Variants in TRIM56 observed in about 807,000 individuals in gnomAD.
TRIM56 encodes the protein tripartite motif containing 56, also known as E3 ubiquitin-protein ligase TRIM56.
In TRIM56, 10 loss-of-function variants were observed where a neutral mutation model predicts 17.1. The observed-to-expected ratio is 0.58, with a 90% CI of 0.36 to 0.99. The LOEUF is 0.99. TRIM56 is among the 50% of genes least tolerant of loss of function. The probability of loss-of-function intolerance (pLI) is 0.01; values close to 1 mark genes in which losing one functional copy is unlikely to be tolerated. For synonymous variants in TRIM56, 503 were observed against 473.5 expected, an observed-to-expected ratio of 1.06 and a Z score of -0.81; for missense variants, 923 against 1,052.3, an observed-to-expected ratio of 0.88 and a Z score of 1.70.
Position 101,088,951 on chromosome 7 carries a change from C to T in TRIM56, c.1639C>T (p.Pro547Ser). The stretch of plus-strand genomic sequence containing the variant: ...CGACTACAAGGGCACCGTGCCGGTC[C>T]CTGAGGGCTGCTCCCCTTGCAGCGT... ...NGDYKGTVPV[P>S]EGCSPCSVAA... The change falls in exon 3 of 3, where the codon CCT becomes TCT. Residue 547 changes from proline to serine, a missense_variant. Physicochemically the swap from Pro to Ser is moderately conservative, Grantham distance 74 (BLOSUM62 -1). This residue lies in a region of TRIM56 where 643 missense variants were observed against 665.6 expected (regional missense o/e 0.97). Transcript: ENST00000306085. 6.2e-7 allele frequency: 1 copy of T among 1,613,312 alleles called. No individual in the cohort carries two copies. The highest frequency in any genetic ancestry group is 8.5e-7 in the Non-Finnish European group (1 of 1,180,026).
In TRIM56 at chr7:101,089,082, C is replaced by A. The variant is rs1382267284; in HGVS notation, c.1770C>A (p.Ala590=). Residue 590 remains alanine (A), a synonymous_variant, in exon 3 of 3, where the codon GCC becomes GCA. Coordinates refer to ENST00000306085, the MANE Select transcript of TRIM56 (RefSeq NM_030961.3). ...QWRRALSLSQ[A]SHAVAALPSG... ...GCAGGGCCCTGAGCCTCTCCCAGGC[C>A]AGCCACGCGGTGGCGGCACTGCCTA... 15 of 1,598,212 alleles carry A rather than the reference C, an allele frequency of 9.4e-6. No individual in the cohort carries two copies. Among genetic ancestry groups the A allele is most frequent in the Non-Finnish European group, 1.2e-5 (14 of 1,174,718 alleles).
rs1389724960 is a variant in TRIM56 at position 101,088,246 on chromosome 7, G to C, written c.934G>C (p.Val312Leu). 6.8e-7 allele frequency: 1 copy of C among 1,479,998 alleles called. No homozygotes were observed. Among genetic ancestry groups the C allele is most frequent in the Admixed American group, 2.5e-5 (1 of 40,462 alleles). 91.7% of individuals were successfully genotyped at this position (1,479,998 alleles called of 1,614,324 possible). A position where few individuals can be genotyped will look rare whatever the true frequency, so the allele number is the denominator to read the frequency against. Reference protein sequence around the residue: ...ARAAAAFARRVLSLGREAEIL... With the variant: ...ARAAAAFARRLLSLGREAEIL... ...GGCCGCAGCCGCCTTCGCCCGCCGG[G>C]TACTCAGCCTGGGGCGAGAGGCCGA... Residue 312 changes from valine to leucine, a missense_variant, in exon 3 of 3, where the codon GTA becomes CTA. By Grantham distance (32) the Val-to-Leu change is conservative. Coordinates refer to ENST00000306085, the MANE Select transcript of TRIM56 (RefSeq NM_030961.3).
Position 101,089,552 on chromosome 7 carries a change from T to A in TRIM56, c.2240T>A (p.Ile747Asn). Residue 747 changes from isoleucine to asparagine, a missense_variant, in exon 3 of 3, where the codon ATC becomes AAC. By Grantham distance (149) the Ile-to-Asn change is moderately radical. Transcript: ENST00000306085. ...TCCCTCAGTAACGGGACCATCCACA[T>A]CTTTCGGGTCCGTTCTCCGGACAGT... Reference protein sequence around the residue: ...VVSLSNGTIHIFRVRSPDS With the variant: ...VVSLSNGTIHNFRVRSPDS The A allele has an allele frequency of 6.2e-7, 1 of 1,614,044 alleles. No homozygotes were observed. The highest frequency in any genetic ancestry group is 8.5e-7 in the Non-Finnish European group (1 of 1,179,982).
chr7:101,088,560 C>T lies in TRIM56; in HGVS notation c.1248C>T (p.Ala416=). The change falls in exon 3 of 3, where the codon GCC becomes GCT. Residue 416 remains alanine (A), a synonymous_variant. Coordinates refer to ENST00000306085, the MANE Select transcript of TRIM56 (RefSeq NM_030961.3). ...TCCAGCCCCAGGCTGGAGATGGAGC[C>T]CAGACCCCAAAAGAGGAAAAAGCCC... ...GGVQPQAGDG[A]QTPKEEKAQT... 1 of 1,609,734 alleles carries T rather than the reference C, an allele frequency of 6.2e-7. No individual in the cohort carries two copies. The highest frequency in any genetic ancestry group is 8.5e-7 in the Non-Finnish European group (1 of 1,176,672).
Position 101,088,880 on chromosome 7 carries a change from T to C in TRIM56, c.1568T>C (p.Val523Ala), listed in dbSNP as rs771750232. ...LCPFGPREIL[V>A]ADEQNRALKR... ...CCCTTCGGTCCCCGGGAGATCCTGG[T>C]GGCGGATGAGCAGAACCGGGCACTG... The change falls in exon 3 of 3, where the codon GTG becomes GCG. Residue 523 changes from valine to alanine, a missense_variant. Transcript: ENST00000306085. 12 of 1,613,716 alleles carry C rather than the reference T, an allele frequency of 7.4e-6. No homozygotes were observed. The South Asian group carries it at 1.1e-4, about 15-fold the overall frequency.
Position 101,089,859 on chromosome 7 carries a change from C to T in TRIM56, c.*279C>T. On this transcript the variant is annotated 3_prime_UTR_variant, in exon 3 of 3. Coordinates refer to ENST00000306085, the MANE Select transcript of TRIM56 (RefSeq NM_030961.3). ...GCTTTTTGTGGGTGGCTGCTGCCAC[C>T]ACCGCCGCTGCTATATAGTTTAGGT... The T allele has an allele frequency of 4.8e-6, 2 of 418,092 alleles. No individual in the cohort carries two copies. Among genetic ancestry groups the T allele is most frequent in the East Asian group, 4.4e-5 (1 of 22,564 alleles). The allele number at this position is 418,092 out of a possible 1,614,324, so 25.9% of individuals were successfully genotyped here.
Position 101,088,256 on chromosome 7 carries a change from T to C in TRIM56, c.944T>C (p.Leu315Pro). The C allele has an allele frequency of 6.7e-7, 1 of 1,491,606 alleles. No individual in the cohort carries two copies. 92.4% of individuals were successfully genotyped at this position (1,491,606 alleles called of 1,614,324 possible). The part of the protein sequence containing the change: ...AAAFARRVLS[L>P]GREAEILSLE... ...GCCTTCGCCCGCCGGGTACTCAGCC[T>C]GGGGCGAGAGGCCGAGATCCTCTCC... The change falls in exon 3 of 3, where the codon CTG (leucine) becomes CCG (proline). Residue 315 changes from leucine to proline, a missense_variant. Physicochemically the swap from Leu to Pro is moderately conservative, Grantham distance 98 (BLOSUM62 -3). Coordinates refer to ENST00000306085, the MANE Select transcript of TRIM56 (RefSeq NM_030961.3).
chr7:101,089,803 G>C lies in TRIM56; in HGVS notation c.*223G>C, dbSNP rs1017971905. On this transcript the variant is annotated 3_prime_UTR_variant, in exon 3 of 3. Transcript: ENST00000306085. ...CAGAAGCAGAGGAGGCAGGTGGGTG[G>C]AGGGGGATGCTGGGAGTTCACCTGC... 6 of 505,470 alleles carry C rather than the reference G, an allele frequency of 1.2e-5. No homozygotes were observed. Among genetic ancestry groups the C allele is most frequent in the Non-Finnish European group, 2.2e-5 (6 of 278,624 alleles). The allele number at this position is 505,470 out of a possible 1,614,324, so 31.3% of individuals were successfully genotyped here.
In TRIM56 at chr7:101,093,590, G is replaced by A. The variant is rs1394366049; in HGVS notation, c.*4010G>A. The A allele has an allele frequency of 6.6e-6, 1 of 151,928 alleles. No individual in the cohort carries two copies. Among genetic ancestry groups the A allele is most frequent in the Non-Finnish European group, 1.5e-5 (1 of 68,008 alleles). The allele number at this position is 151,928 out of a possible 1,614,324, so 9.4% of individuals were successfully genotyped here. A position where few individuals can be genotyped will look rare whatever the true frequency, so the allele number is the denominator to read the frequency against. ...CACACCTGTAATCCCAGCACTTTGGGAGGCTGAGGTGGGTGGATCACCTGA... is the reference window on the plus strand; with the variant it reads ...CACACCTGTAATCCCAGCACTTTGGAAGGCTGAGGTGGGTGGATCACCTGA... On this transcript the variant is annotated 3_prime_UTR_variant, in exon 3 of 3. Transcript: ENST00000306085.
Position 101,093,036 on chromosome 7 carries a change from C to G in TRIM56, c.*3456C>G, listed in dbSNP as rs1795604828. On this transcript the variant is annotated 3_prime_UTR_variant, in exon 3 of 3. Transcript: ENST00000306085. ...GGATGCTGTTAATCTAAGACCTTAC[C>G]CCCAACCCCGTGCTCTCTGAAATAT... 1.1e-5 allele frequency: 2 copies of G among 182,642 alleles called. No homozygotes were observed. The highest frequency in any genetic ancestry group is 6.4e-5 in the Admixed American group (1 of 15,722). The allele number at this position is 182,642 out of a possible 1,614,324, so 11.3% of individuals were successfully genotyped here. A position where few individuals can be genotyped will look rare whatever the true frequency, so the allele number is the denominator to read the frequency against.
Position 101,094,511 on chromosome 7 carries a change from G to A in TRIM56, c.*4931G>A, listed in dbSNP as rs1413640581. ...TTATAAGTAATACTCAATAACTACTGGGTTTGAGAATGAAGGTGTCAGAAC... is the reference window on the plus strand; with the variant it reads ...TTATAAGTAATACTCAATAACTACTAGGTTTGAGAATGAAGGTGTCAGAAC... On this transcript the variant is annotated 3_prime_UTR_variant, in exon 3 of 3. Transcript: ENST00000306085. 2 of 152,094 alleles carry A rather than the reference G, an allele frequency of 1.3e-5. No individual in the cohort carries two copies. Among genetic ancestry groups the A allele is most frequent in the Non-Finnish European group, 2.9e-5 (2 of 68,036 alleles). 9.4% of individuals were successfully genotyped at this position (152,094 alleles called of 1,614,324 possible).
In TRIM56 at chr7:101,088,710, G is replaced by C. The variant is rs776709286; in HGVS notation, c.1398G>C (p.Arg466Ser). The C allele has an allele frequency of 1.9e-6, 3 of 1,613,928 alleles. No individual in the cohort carries two copies. The highest frequency in any genetic ancestry group is 2.5e-6 in the Non-Finnish European group (3 of 1,179,988). The change falls in exon 3 of 3, where the codon AGG (arginine) becomes AGC (serine). Residue 466 changes from arginine to serine, a missense_variant. Coordinates refer to ENST00000306085, the MANE Select transcript of TRIM56 (RefSeq NM_030961.3). ...RPNKKKKFKG[R>S]LKSISREPSP... ...ACAAGAAGAAAAAGTTCAAAGGCAGGCTCAAGTCAATTTCCCGGGAGCCCA... is the reference window on the plus strand; with the variant it reads ...ACAAGAAGAAAAAGTTCAAAGGCAGCCTCAAGTCAATTTCCCGGGAGCCCA...
chr7:101,089,571 G>A lies in TRIM56; in HGVS notation c.2259G>A (p.Pro753=), dbSNP rs78537898. 33,645 of 1,613,242 alleles carry A rather than the reference G, an allele frequency of 0.021. 443 individuals carry two copies. Among genetic ancestry groups the A allele is most frequent in the South Asian group, 0.024 (2,157 of 90,968 alleles). The change falls in exon 3 of 3, where the codon CCG becomes CCA. Residue 753 remains proline, a synonymous_variant. Coordinates refer to ENST00000306085, the MANE Select transcript of TRIM56 (RefSeq NM_030961.3). ...TCCACATCTTTCGGGTCCGTTCTCC[G>A]GACAGTTAAAGGGGCTAGGACTAGG... The part of the protein sequence containing the change: ...GTIHIFRVRS[P]DS
Position 101,097,817 on chromosome 7 carries a change from G to C in TRIM56, c.*8237G>C, listed in dbSNP as rs1308979517. The C allele has an allele frequency of 2.0e-5, 3 of 152,210 alleles. No homozygotes were observed. The highest frequency in any genetic ancestry group is 3.8e-4 in the East Asian group (2 of 5,196). 9.4% of individuals were successfully genotyped at this position (152,210 alleles called of 1,614,324 possible). A position where few individuals can be genotyped will look rare whatever the true frequency, so the allele number is the denominator to read the frequency against. ...TACATTGCCATGGGCTAAACCCAGT[G>C]TGCTGTAAACTCTTCAGTTCCTTTG... On this transcript the variant is annotated 3_prime_UTR_variant, in exon 3 of 3. Coordinates refer to ENST00000306085, the MANE Select transcript of TRIM56 (RefSeq NM_030961.3).
At position 101,088,240 on chromosome 7, in the gene TRIM56, C is replaced by T. The variant is rs1442901519; in HGVS notation, c.928C>T (p.Arg310Cys). ...QVARAAAAFA[R>C]RVLSLGREAE... ...GGCCAGGGCCGCAGCCGCCTTCGCC[C>T]GCCGGGTACTCAGCCTGGGGCGAGA... The change falls in exon 3 of 3, where the codon CGC becomes TGC. Residue 310 changes from arginine to cysteine, a missense_variant. This residue lies in a region of TRIM56 where 643 missense variants were observed against 665.6 expected (regional missense o/e 0.97). Coordinates refer to ENST00000306085, the MANE Select transcript of TRIM56 (RefSeq NM_030961.3). 32 of 1,468,432 alleles carry T rather than the reference C, an allele frequency of 2.2e-5. No individual in the cohort carries two copies. Among genetic ancestry groups the T allele is most frequent in the Non-Finnish European group, 2.8e-5 (31 of 1,116,018 alleles). The allele number at this position is 1,468,432 out of a possible 1,614,324, so 91.0% of individuals were successfully genotyped here. A position where few individuals can be genotyped will look rare whatever the true frequency, so the allele number is the denominator to read the frequency against.
In TRIM56 at chr7:101,092,209, C is replaced by G. The variant is rs932690648; in HGVS notation, c.*2629C>G. On this transcript the variant is annotated 3_prime_UTR_variant, in exon 3 of 3. Transcript: ENST00000306085. The stretch of plus-strand genomic sequence containing the variant: ...GATTACAGCCTCTGCCCGGCCGCCA[C>G]CCCCTCTGGGAAGTGCGGAGTGTCT... The G allele has an allele frequency of 1.1e-4, 23 of 210,436 alleles. No homozygotes were observed. The highest frequency in any genetic ancestry group is 5.6e-5 in the Admixed American group (1 of 17,846). The allele number at this position is 210,436 out of a possible 1,614,324, so 13.0% of individuals were successfully genotyped here.
rs1484036964 is a variant in TRIM56 at position 101,094,989 on chromosome 7, C to T, written c.*5409C>T. On this transcript the variant is annotated 3_prime_UTR_variant, in exon 3 of 3. Transcript: ENST00000306085. ...TCCAAAGCTTTCCCACCTCCAAAACCTCGGCTTGTGGGGAATCTCCAGTAG... is the reference window on the plus strand; with the variant it reads ...TCCAAAGCTTTCCCACCTCCAAAACTTCGGCTTGTGGGGAATCTCCAGTAG... The T allele has an allele frequency of 6.6e-6, 1 of 151,372 alleles. No individual in the cohort carries two copies. The highest frequency in any genetic ancestry group is 6.6e-5 in the Admixed American group (1 of 15,132). 9.4% of individuals were successfully genotyped at this position (151,372 alleles called of 1,614,324 possible).
rs548789934 is a variant in TRIM56 at position 101,091,419 on chromosome 7, A to G, written c.*1839A>G. 4.9e-6 allele frequency: 1 copy of G among 202,412 alleles called. No individual in the cohort carries two copies. Among genetic ancestry groups the G allele is most frequent in the African/African-American group, 2.4e-5 (1 of 41,982 alleles). 12.5% of individuals were successfully genotyped at this position (202,412 alleles called of 1,614,324 possible). A position where few individuals can be genotyped will look rare whatever the true frequency, so the allele number is the denominator to read the frequency against. On this transcript the variant is annotated 3_prime_UTR_variant, in exon 3 of 3. Transcript: ENST00000306085. The stretch of plus-strand genomic sequence containing the variant: ...ATTACAAAGGTAGGCACAGCAAAGA[A>G]TAATGAAGATTATAAGAAAACCAAG...
chr7:101,087,271 A>C (rs1795463498), intron 2 of TRIM56, 41 bp from the exon 3 acceptor site: 1 of 1,550,430 alleles, frequency 6.4e-7, no homozygotes, highest in South Asian at 1.2e-5. Context: ...GAGCTGGTGA[A>C]GGTGCCTTCT....
Sources: allele counts gnomAD v4.1 joint callset, GRCh38; gene constraint gnomAD v4.1.1; regional missense constraint gnomAD v4.1.1; transcripts MANE v1.5; gene names NCBI Gene and HGNC (gene_info 2026-07-23, HGNC 2026-07-21).